CFAP47: variants seen among roughly 807,000 people sequenced by gnomAD.
The protein encoded by CFAP47 is cilia and flagella associated protein 47, also known as cilia- and flagella-associated protein 47.
CFAP47 carries 29 observed loss-of-function variants against 148.1 expected under a neutral mutation model. That is an observed-to-expected ratio of 0.20 (90% CI 0.15 to 0.27). The LOEUF is 0.27. Among genes scored for constraint, CFAP47 ranks in the 10% least tolerant of loss-of-function variants. CFAP47 has a pLI of 1.00. For missense variants in CFAP47, 1,872 were observed against 1,697.5 expected (o/e 1.10, Z -1.81); for synonymous variants, 664 against 577.3 (o/e 1.15, Z -2.15).
intron 62 of CFAP47, among the ~76,000 whole-genome samples, chrX:36,373,804 C>G (rs1310649817): frequency 8.9e-6 from 1 of 111,923 alleles, no homozygotes; most frequent in Non-Finnish European, 1.9e-5. Context: ...TTACCAAATG[C>G]TTATTCAGCA....
chrX:36,158,842 C>T (rs1397407211), intron 37 of CFAP47, among the ~76,000 whole-genome samples: 2 of 111,258 alleles, frequency 1.8e-5, no homozygotes, highest in Non-Finnish European at 1.9e-5. Context: ...TACCATGGTG[C>T]GGTCATTTTC....
chrX:36,361,357 A>G lies in CFAP47; in HGVS notation c.8879A>G (p.Tyr2960Cys). 1 of 1,116,951 alleles carries G rather than the reference A, an allele frequency of 9.0e-7. No homozygotes were observed. The highest frequency in any genetic ancestry group is 3.3e-5 in the East Asian group (1 of 30,020). The allele number at this position is 1,116,951 out of a possible 1,213,427, so 92.0% of individuals were successfully genotyped here. The part of the protein sequence containing the change: ...NEIPKIHEFE[Y>C]EIQFESEAMK... ...ATTCCTAAAATACATGAATTCGAGT[A>G]TGAAATTCAATTTGAATCTGAAGCT... Residue 2960 changes from tyrosine to cysteine, a missense_variant, in exon 61 of 64, where the codon TAT becomes TGT. Transcript: ENST00000378653.
At chrX:36,131,120 C>A (rs1283695404) in intron 33 of CFAP47, among the ~76,000 whole-genome samples, 2 of 111,124 alleles carry the variant, frequency 1.8e-5, no homozygotes, top group African/African-American at 6.5e-5. Flanking sequence ...ATGCCCTATT[C>A]TTCAAGATGT....
intron 1 of CFAP47, among the ~76,000 whole-genome samples, chrX:35,924,570 T>TGG (rs1461169382): frequency 3.1e-4 from 33 of 105,999 alleles, no homozygotes; most frequent in African/African-American, 1.0e-3. Flanking sequence ...CGCATATATG[T>TGG]GTATATATGC....
intron 39 of CFAP47, among the ~76,000 whole-genome samples, chrX:36,173,930 A>C (rs772613321): frequency 9.0e-6 from 1 of 111,054 alleles, no homozygotes; most frequent in Non-Finnish European, 1.9e-5. Flanking sequence ...AATGTGTGGG[A>C]GTCTAATTCT....
chrX:36,203,653 G>A (rs983974047), intron 44 of CFAP47, among the ~76,000 whole-genome samples: 1 of 112,150 alleles, frequency 8.9e-6, no homozygotes, highest in Non-Finnish European at 1.9e-5. Flanking sequence ...GACATCTTAT[G>A]CATGATATGA....
At chrX:36,223,430 T>C (rs1482017841) in intron 45 of CFAP47, among the ~76,000 whole-genome samples, 2 of 110,747 alleles carry the variant, frequency 1.8e-5, no homozygotes, top group East Asian at 5.6e-4. Flanking sequence ...TATACAATTA[T>C]GTATATACAT....
chrX:36,108,821 T>G (rs1938507277), intron 33 of CFAP47, among the ~76,000 whole-genome samples: 1 of 108,856 alleles, frequency 9.2e-6, no homozygotes, highest in African/African-American at 3.3e-5. Context: ...TTATTTTAAG[T>G]TCATGGGTAC....
intron 40 of CFAP47, among the ~76,000 whole-genome samples, chrX:36,180,321 T>C (rs1398357801): frequency 8.9e-6 from 1 of 112,073 alleles, no homozygotes; most frequent in East Asian, 2.8e-4. Context: ...TTAAGTACAA[T>C]TAAAAACAAT....
intron 33 of CFAP47, among the ~76,000 whole-genome samples, chrX:36,111,404 A>G (rs1230075395): frequency 8.9e-6 from 1 of 112,212 alleles, no homozygotes; most frequent in Non-Finnish European, 1.9e-5. Flanking sequence ...TTCATCACAT[A>G]TTTTTATTTG....
chrX:36,282,418 A>C (rs1556003800), intron 50 of CFAP47, among the ~76,000 whole-genome samples: 1 of 111,646 alleles, frequency 9.0e-6, no homozygotes. Flanking sequence ...AGGCTAAAAA[A>C]GACTGATCTC....
At chrX:36,269,663 A>G (rs1940935030) in intron 49 of CFAP47, among the ~76,000 whole-genome samples, 1 of 112,184 alleles carries the variant, frequency 8.9e-6, no homozygotes, top group Admixed American at 9.4e-5. Flanking sequence ...ATTCCTGTAT[A>G]ATTGAGATAC....
At position 35,966,552 on chromosome X, in the gene CFAP47, CTT is replaced by C. The variant is rs762034498; in HGVS notation, c.1411-4_1411-3del. On this transcript the variant is annotated splice_polypyrimidine_tract_variant and intron_variant, in intron 8 of 63. Transcript: ENST00000378653. ...CAATTTATTATTGGTTACTTTTCATCTTTTTTTTTTAGGATGTGATGTGTTCA... is the reference window on the plus strand; with the variant it reads ...CAATTTATTATTGGTTACTTTTCATCTTTTTTTTAGGATGTGATGTGTTCA... 2 of 840,502 alleles carry C rather than the reference CTT, an allele frequency of 2.4e-6. No individual in the cohort carries two copies. Among genetic ancestry groups the C allele is most frequent in the South Asian group, 4.5e-5 (1 of 22,291 alleles). 69.3% of individuals were successfully genotyped at this position (840,502 alleles called of 1,213,427 possible). A position where few individuals can be genotyped will look rare whatever the true frequency, so the allele number is the denominator to read the frequency against.
chrX:36,352,785 A>G (rs936143267), intron 59 of CFAP47, among the ~76,000 whole-genome samples: 1 of 109,943 alleles, frequency 9.1e-6, no homozygotes. Flanking sequence ...TTGCTGACAA[A>G]GTTTTTCACC....
At chrX:36,197,471 G>A (rs1939932099) in intron 42 of CFAP47, among the ~76,000 whole-genome samples, 1 of 111,625 alleles carries the variant, frequency 9.0e-6, no homozygotes, top group Non-Finnish European at 1.9e-5. Flanking sequence ...CGAATTTTTA[G>A]GTAATTAGTT....
intron 30 of CFAP47, among the ~76,000 whole-genome samples, chrX:36,097,574 C>G (rs1215484279): frequency 9.0e-6 from 1 of 110,836 alleles, no homozygotes; most frequent in Non-Finnish European, 1.9e-5. Flanking sequence ...TCATACCACT[C>G]TCTCCTGGCC....
intron 29 of CFAP47, among the ~76,000 whole-genome samples, chrX:36,075,292 A>G (rs1367348570): frequency 2.8e-5 from 3 of 108,959 alleles, no homozygotes; most frequent in African/African-American, 1.0e-4. Flanking sequence ...TAGTGGCGCA[A>G]TCTCGGCTAA....
intron 10 of CFAP47, 114 bp downstream of exon 10, chrX:35,967,946 A>ATAATAATAATAATAATAT (rs1455390842): frequency 7.0e-6 from 2 of 285,566 alleles, no homozygotes; most frequent in African/African-American, 5.7e-5. Context: ...AATAATAATA[A>ATAATAATAATAATAATAT]TAATAATAAT....
intron 51 of CFAP47, among the ~76,000 whole-genome samples, chrX:36,288,774 T>A (rs184396018): frequency 9.0e-6 from 1 of 111,236 alleles, no homozygotes; most frequent in East Asian, 2.9e-4. Flanking sequence ...GGCTTATGCC[T>A]GTAATCCCAG....
Sources: gnomAD v4.1 joint callset for allele counts (sites outside exome capture counted in the v4.1 genomes callset) on GRCh38, gnomAD v4.1.1 for gene constraint, MANE v1.5 for transcripts, NCBI Gene and HGNC (gene_info 2026-07-23, HGNC 2026-07-21) for gene names.